The following GSE1 variants were observed in gnomAD, a reference collection of about 807,000 sequenced individuals.
GSE1 encodes the protein genetic suppressor element 1.
A neutral mutation model predicts 112.6 loss-of-function variants in GSE1; 32 were observed. The observed-to-expected ratio is 0.28, with a 90% CI of 0.21 to 0.38. The LOEUF (loss-of-function observed/expected upper bound fraction) is 0.38. Ranked by LOEUF, GSE1 falls within the 10% of genes least tolerant of loss-of-function variation. The pLI is 1.00. For synonymous variants in GSE1, 1,115 were observed against 735.6 expected (o/e 1.52, Z -8.35); for missense variants, 2,348 against 1,699.2 (o/e 1.38, Z -6.71).
At chr16:85,193,433 C>T (rs763609097) in intron 1 of GSE1, among the ~76,000 whole-genome samples, 4 of 151,622 alleles carry the variant, frequency 2.6e-5, no homozygotes, top group African/African-American at 9.7e-5. Flanking sequence ...CTTTGAACTC[C>T]TGGGCTCACC....
At chr16:85,449,801 G>A (rs2151799541) in intron 2 of GSE1, among the ~76,000 whole-genome samples, 1 of 152,346 alleles carries the variant, frequency 6.6e-6, no homozygotes, top group East Asian at 1.9e-4. Flanking sequence ...CTGCAAAATA[G>A]AAGGGTTGCA....
intron 2 of GSE1, among the ~76,000 whole-genome samples, chr16:85,411,182 C>T (rs2048531865): frequency 9.2e-6 from 1 of 108,390 alleles, no homozygotes; most frequent in African/African-American, 4.7e-5. Context: ...CTCAGGCCCC[C>T]CGGATAATCC....
chr16:85,665,488 C>T (rs762036982), intron 12 of GSE1, among the ~76,000 whole-genome samples: 23 of 152,232 alleles, frequency 1.5e-4, no homozygotes, highest in Non-Finnish European at 2.8e-4. Context: ...TGCCCGCAGC[C>T]TGGTCCTGCC....
intron 2 of GSE1, among the ~76,000 whole-genome samples, chr16:85,402,191 G>A (rs150018859): frequency 0.011 from 1,638 of 152,330 alleles, 15 homozygotes; most frequent in Non-Finnish European, 0.017. Flanking sequence ...GTGTCCATAG[G>A]AACCTTGCGG....
At chr16:85,639,679 C>T (rs1237121482) in intron 2 of GSE1, among the ~76,000 whole-genome samples, 2 of 152,272 alleles carry the variant, frequency 1.3e-5, no homozygotes, top group African/African-American at 4.8e-5. Flanking sequence ...CAGCCCTGAG[C>T]CAGGCTGGGG....
chr16:85,571,656 A>G (rs894669513), intron 1 of GSE1, among the ~76,000 whole-genome samples: 1 of 152,158 alleles, frequency 6.6e-6, no homozygotes, highest in African/African-American at 2.4e-5. Flanking sequence ...CAGGGACCTG[A>G]CTGACTGACC....
chr16:85,275,654 C>T (rs9940658), intron 1 of GSE1, among the ~76,000 whole-genome samples: 1 of 152,140 alleles, frequency 6.6e-6, no homozygotes, highest in Non-Finnish European at 1.5e-5. Context: ...CGGTCCTAGA[C>T]GTGGGGAGGC....
chr16:85,421,848 G>A (rs902793175), intron 2 of GSE1, among the ~76,000 whole-genome samples: 4 of 152,088 alleles, frequency 2.6e-5, no homozygotes, highest in Non-Finnish European at 4.4e-5. Context: ...AATGGCTTCC[G>A]GGGTGAGGGG....
chr16:85,624,390 C>G (rs2048933763), intron 1 of GSE1, among the ~76,000 whole-genome samples: 1 of 152,188 alleles, frequency 6.6e-6, no homozygotes, highest in South Asian at 2.1e-4. Context: ...CACAGGTGCC[C>G]TCTGGCTGAG....
intron 1 of GSE1, among the ~76,000 whole-genome samples, chr16:85,331,714 T>A (rs867577165): frequency 0.016 from 1,739 of 109,416 alleles, 56 homozygotes; most frequent in Non-Finnish European, 0.026. Context: ...TATATTTTTT[T>A]TTTTTTTTTT....
intron 1 of GSE1, among the ~76,000 whole-genome samples, chr16:85,627,162 G>A (rs992417482): frequency 7.4e-5 from 9 of 121,540 alleles, no homozygotes; most frequent in Non-Finnish European, 1.5e-4. Flanking sequence ...GCTTTGTTAC[G>A]GGGGGCGGGG....
chr16:85,293,025 G>A (rs565057772), intron 1 of GSE1, among the ~76,000 whole-genome samples: 2 of 152,108 alleles, frequency 1.3e-5, no homozygotes, highest in Non-Finnish European at 2.9e-5. Context: ...AAGCGTGTAC[G>A]GTTGTGTGGC....
intron 1 of GSE1, among the ~76,000 whole-genome samples, chr16:85,284,808 C>T (rs371501023): frequency 1.4e-3 from 215 of 152,286 alleles, no homozygotes; most frequent in African/African-American, 4.4e-3. Flanking sequence ...CTGCCTGCTC[C>T]GCTGCCGTCC....
intron 2 of GSE1, among the ~76,000 whole-genome samples, chr16:85,463,664 T>A (rs1020436292): frequency 6.6e-6 from 1 of 152,004 alleles, no homozygotes; most frequent in Non-Finnish European, 1.5e-5. Flanking sequence ...CCCGATCACC[T>A]CCCTGGCCCC....
rs1312129575 is a variant in GSE1 at position 85,419,606 on chromosome 16, A to C, written c.2464+61963A>C. Among the ~76,000 whole-genome samples the C allele has an allele frequency of 7.0e-5, 1 of 14,348 alleles. No individual in the cohort carries two copies. The highest frequency in any genetic ancestry group is 1.1e-3 in the Admixed American group (1 of 890). The allele number at this position is 14,348 out of a possible 152,430, so 9.4% of individuals were successfully genotyped here. ...GGGCAATAGAGCAAGGCTGTGTCTCAAAAAAAAAAAACAAAAAACAAAAAA... is the reference window on the plus strand; with the variant it reads ...GGGCAATAGAGCAAGGCTGTGTCTCCAAAAAAAAAAACAAAAAACAAAAAA... On this transcript the variant is annotated intron_variant, in intron 2 of 2. Coordinates refer to the GSE1 transcript ENST00000637419. This position sits in a 1 kb window ranked among gnomAD's most constrained non-coding sequence, Gnocchi z 6.5.
In GSE1 at chr16:85,519,544, T is replaced by TTTCACCACCATCATCACC. The variant is rs1567555746; in HGVS notation, c.2465-114370_2465-114369insTTCACCACCATCATCACC. Reference sequence around the variant, plus strand: ...TCATCACCTTCACCACCATCATCACTATTACCACCATCACTATCATCATCA... The same window carrying TTTCACCACCATCATCACC: ...TCATCACCTTCACCACCATCATCACTTTCACCACCATCATCACCATTACCACCATCACTATCATCATCA... On this transcript the variant is annotated intron_variant, in intron 2 of 2. Transcript: ENST00000637419. Among the ~76,000 whole-genome samples, 17 of 10,314 alleles carry TTTCACCACCATCATCACC rather than the reference T, an allele frequency of 1.6e-3. 5 individuals carry two copies. Among genetic ancestry groups the TTTCACCACCATCATCACC allele is most frequent in the South Asian group, 4.2e-3 (1 of 238 alleles). The allele number at this position is 10,314 out of a possible 152,430, so 6.8% of individuals were successfully genotyped here. A position where few individuals can be genotyped will look rare whatever the true frequency, so the allele number is the denominator to read the frequency against.
intron 1 of GSE1, among the ~76,000 whole-genome samples, chr16:85,193,255 G>C (rs2074861654): frequency 6.6e-6 from 1 of 152,144 alleles, no homozygotes; most frequent in South Asian, 2.1e-4. Flanking sequence ...ACGTGGATAG[G>C]CATTGGAAAG....
At chr16:85,615,051 G>T (rs1388815480) in intron 1 of GSE1, among the ~76,000 whole-genome samples, 2 of 152,256 alleles carry the variant, frequency 1.3e-5, no homozygotes, top group African/African-American at 4.8e-5. Context: ...CCCGGCAGGG[G>T]TGGAAGGGGG....
At chr16:85,398,127 G>A (rs1157170843) in intron 2 of GSE1, among the ~76,000 whole-genome samples, 2 of 152,214 alleles carry the variant, frequency 1.3e-5, no homozygotes, top group East Asian at 1.9e-4. Context: ...ACCCCGATGA[G>A]TGATGTTGTC....
Sources: allele counts gnomAD v4.1 joint callset (sites outside exome capture counted in the v4.1 genomes callset), GRCh38; gene constraint gnomAD v4.1.1; non-coding constraint Gnocchi (gnomAD v3.1); transcripts MANE v1.5; gene names NCBI Gene and HGNC (gene_info 2026-07-23, HGNC 2026-07-21).